The following NRG1 variants were observed in gnomAD, a reference collection of about 807,000 sequenced individuals.
NRG1 encodes the protein pro-neuregulin-1, membrane-bound isoform.
A neutral mutation model predicts 63.8 loss-of-function variants in NRG1; 18 were observed. That is an observed-to-expected ratio of 0.28 (90% confidence interval 0.19 to 0.42). The LOEUF (loss-of-function observed/expected upper bound fraction) is 0.42, where lower values mean the gene tolerates loss of function less well. Ranked by LOEUF, NRG1 falls within the 10% of genes least tolerant of loss-of-function variation. NRG1 has a pLI of 1.00. For synonymous variants in NRG1, 302 were observed against 301.3 expected (o/e 1.00, Z -0.02); for missense variants, 762 against 814.7 (o/e 0.94, Z 0.79).
chr8:32,729,263 T>C (rs1185752264), intron 6 of NRG1, among the ~76,000 whole-genome samples: 2 of 152,216 alleles, frequency 1.3e-5, no homozygotes, highest in Admixed American at 1.3e-4. Context: ...ATATGGTATA[T>C]GGACTTAAAA....
intron 1 of NRG1, among the ~76,000 whole-genome samples, chr8:31,739,156 C>G (rs749452526): frequency 6.6e-6 from 1 of 152,032 alleles, no homozygotes; most frequent in Admixed American, 6.6e-5. Flanking sequence ...ATGAAATTAC[C>G]TTTACCCTTT....
At chr8:31,980,505 G>C (rs901039177) in intron 1 of NRG1, among the ~76,000 whole-genome samples, 2 of 151,940 alleles carry the variant, frequency 1.3e-5, no homozygotes, top group African/African-American at 4.8e-5. Flanking sequence ...TTACATTTTG[G>C]CTTAGAAAAT....
chr8:32,360,749 G>A (rs529835706), intron 1 of NRG1, among the ~76,000 whole-genome samples: 1 of 152,164 alleles, frequency 6.6e-6, no homozygotes, highest in Admixed American at 6.5e-5. Context: ...CTACAGCAAG[G>A]CCCACGTCTT....
intron 1 of NRG1, among the ~76,000 whole-genome samples, chr8:32,147,204 G>A (rs530416593): frequency 8.5e-5 from 13 of 152,206 alleles, no homozygotes; most frequent in Admixed American, 2.6e-4. Context: ...GACAATATAC[G>A]TCAAATTTAT....
At chr8:32,122,912 A>C (rs1340772750) in intron 1 of NRG1, among the ~76,000 whole-genome samples, 1 of 151,912 alleles carries the variant, frequency 6.6e-6, no homozygotes, top group Non-Finnish European at 1.5e-5. Context: ...ACTGAGAATG[A>C]TGATTTCCAT....
At chr8:32,187,096 G>T (rs1842044778) in intron 1 of NRG1, among the ~76,000 whole-genome samples, 1 of 152,152 alleles carries the variant, frequency 6.6e-6, no homozygotes. Flanking sequence ...GACATCCATG[G>T]CTGTAATTTT....
chr8:32,036,468 G>A (rs1377489266), intron 1 of NRG1, among the ~76,000 whole-genome samples: 1 of 152,142 alleles, frequency 6.6e-6, no homozygotes, highest in African/African-American at 2.4e-5. Context: ...GAGTTTAAAT[G>A]TTGCCCTTTC....
chr8:31,702,607 C>A (rs1810740281), intron 1 of NRG1, among the ~76,000 whole-genome samples: 1 of 152,050 alleles, frequency 6.6e-6, no homozygotes, highest in Non-Finnish European at 1.5e-5. Context: ...CTAATGGCTA[C>A]AAGCATGCTT....
intron 3 of NRG1, among the ~76,000 whole-genome samples, chr8:32,613,908 T>C (rs1281877894): frequency 1.3e-5 from 2 of 152,088 alleles, no homozygotes; most frequent in Admixed American, 6.6e-5. Context: ...ATGAAAATGA[T>C]GTATCCAGAA....
rs550953865 is a variant in NRG1 at position 32,654,365 on chromosome 8, A to C, written c.502+37480A>C. 2.6e-5 allele frequency among the ~76,000 whole-genome samples: 4 copies of C among 152,320 alleles called. No individual in the cohort carries two copies. In the South Asian group the frequency reaches 6.2e-4, roughly 24 times the overall value. ...GAATTTTGGCCAGGTGCGGTGGCTT[A>C]CGCCTGTAATCCCAGCATTTTGGGA... is the stretch of plus-strand genomic sequence containing the variant. On this transcript the variant is annotated intron_variant, in intron 5 of 11. Coordinates refer to ENST00000356819, the Ensembl canonical transcript of NRG1.
At chr8:32,093,710 C>T (rs971963141) in intron 1 of NRG1, among the ~76,000 whole-genome samples, 2 of 152,162 alleles carry the variant, frequency 1.3e-5, no homozygotes, top group African/African-American at 4.8e-5. Context: ...TGAGATAATT[C>T]ATTTAGTGGG....
intron 1 of NRG1, among the ~76,000 whole-genome samples, chr8:31,791,047 T>C (rs1264250081): frequency 6.6e-6 from 1 of 151,802 alleles, no homozygotes; most frequent in Non-Finnish European, 1.5e-5. Flanking sequence ...CTGTCCCTAC[T>C]ATAATAGAAA....
At chr8:32,401,970 G>A (rs1371944600) in intron 1 of NRG1, among the ~76,000 whole-genome samples, 1 of 152,154 alleles carries the variant, frequency 6.6e-6, no homozygotes. Flanking sequence ...GAGTGCAGTG[G>A]CGCGATCTTG....
At chr8:32,096,127 G>A (rs948383844) in intron 1 of NRG1, among the ~76,000 whole-genome samples, 2 of 152,172 alleles carry the variant, frequency 1.3e-5, no homozygotes, top group African/African-American at 4.8e-5. Flanking sequence ...AGGAGGGGTG[G>A]TAGTGAAAGG....
At chr8:31,822,119 G>A (rs912851140) in intron 1 of NRG1, among the ~76,000 whole-genome samples, 3 of 152,132 alleles carry the variant, frequency 2.0e-5, no homozygotes, top group Non-Finnish European at 2.9e-5. Flanking sequence ...CAAACAAAAA[G>A]CTTGAGCTAG....
chr8:31,855,683 A>G (rs1827783988), intron 1 of NRG1, among the ~76,000 whole-genome samples: 1 of 152,144 alleles, frequency 6.6e-6, no homozygotes, highest in Non-Finnish European at 1.5e-5. Context: ...TTTGCTCCTT[A>G]GTTGATGCAG....
At chr8:32,532,838 A>T (rs1831588132) in intron 1 of NRG1, among the ~76,000 whole-genome samples, 1 of 152,076 alleles carries the variant, frequency 6.6e-6, no homozygotes, top group South Asian at 2.1e-4. Flanking sequence ...AATTTTTAAA[A>T]TGCCTTAAGA....
intron 5 of NRG1, among the ~76,000 whole-genome samples, chr8:32,705,778 A>G (rs2128970537): frequency 6.6e-6 from 1 of 152,356 alleles, no homozygotes; most frequent in African/African-American, 2.4e-5. Flanking sequence ...TTGGAATAAT[A>G]GAACTTCAAG....
At chr8:32,748,798 A>G (rs986365225) in intron 7 of NRG1, 2 of 443,828 alleles carry the variant, frequency 4.5e-6, no homozygotes, top group African/African-American at 2.0e-5. Flanking sequence ...GAAAAAAGTG[A>G]GGCGTAGAAT....
Sources: allele counts gnomAD v4.1 joint callset (sites outside exome capture counted in the v4.1 genomes callset), GRCh38; gene constraint gnomAD v4.1.1; transcripts MANE v1.5; gene names NCBI Gene and HGNC (gene_info 2026-07-23, HGNC 2026-07-21).